The following RBMS1 variants were observed in gnomAD, a reference collection of about 807,000 sequenced individuals.
The protein encoded by RBMS1 is RNA-binding motif, single-stranded-interacting protein 1.
In RBMS1, 17 loss-of-function variants were observed where a neutral mutation model predicts 62.3. The ratio of observed to expected loss-of-function variants is 0.27; its 90% CI spans 0.19 to 0.41. RBMS1 has a LOEUF of 0.41. RBMS1 is among the 10% of genes least tolerant of loss of function. The pLI, the probability that RBMS1 is intolerant of heterozygous loss-of-function variation, is 1.00. For missense variants in RBMS1, 334 were observed against 504.5 expected (o/e 0.66, Z 3.24); for synonymous variants, 172 against 170.0 (o/e 1.01, Z -0.09).
At chr2:160,325,597 G>C (rs1001337058) in intron 2 of RBMS1, among the ~76,000 whole-genome samples, 1 of 152,172 alleles carries the variant, frequency 6.6e-6, no homozygotes, top group African/African-American at 2.4e-5. Context: ...CCAGACAAAG[G>C]GGATTTCCTA....
At chr2:160,291,214 G>A (rs1688662671) in intron 6 of RBMS1, among the ~76,000 whole-genome samples, 2 of 152,162 alleles carry the variant, frequency 1.3e-5, no homozygotes, top group Non-Finnish European at 2.9e-5. Context: ...CCTGTCAGAT[G>A]CTGACAGCAG....
At chr2:160,468,670 C>T (rs1684795528) in intron 1 of RBMS1, among the ~76,000 whole-genome samples, 1 of 152,120 alleles carries the variant, frequency 6.6e-6, no homozygotes, top group African/African-American at 2.4e-5. Flanking sequence ...ATATTATTAA[C>T]TTCTATTTGG....
intron 2 of RBMS1, chr2:160,367,015 G>A (rs1693435580): frequency 7.6e-6 from 3 of 396,980 alleles, no homozygotes; most frequent in Admixed American, 8.7e-5. Context: ...AATTCATTTT[G>A]ATATGTAGCC....
At chr2:160,403,136 T>C (rs920372581) in intron 1 of RBMS1, among the ~76,000 whole-genome samples, 1 of 152,202 alleles carries the variant, frequency 6.6e-6, no homozygotes, top group East Asian at 1.9e-4. Context: ...TTCAAATGGC[T>C]ATGTATGGGT....
At chr2:160,311,242 A>ATATATATATC (rs1553505475) in intron 4 of RBMS1, among the ~76,000 whole-genome samples, 4 of 123,658 alleles carry the variant, frequency 3.2e-5, no homozygotes, top group African/African-American at 1.1e-4. Context: ...CTATATATAT[A>ATATATATATC]TATATATATA....
intron 2 of RBMS1, among the ~76,000 whole-genome samples, chr2:160,342,769 C>CAAAA (rs550170417): frequency 8.5e-6 from 1 of 117,344 alleles, no homozygotes; most frequent in Non-Finnish European, 1.7e-5. Flanking sequence ...ATACAAAATA[C>CAAAA]AAAAAAAAAA....
intron 4 of RBMS1, among the ~76,000 whole-genome samples, chr2:160,308,818 C>T (rs568495534): frequency 2.6e-5 from 4 of 152,208 alleles, no homozygotes; most frequent in Admixed American, 1.3e-4. Flanking sequence ...ATTTGAAGAG[C>T]GCTGTAGACA....
intron 3 of RBMS1, among the ~76,000 whole-genome samples, chr2:160,315,210 T>C (rs1690144143): frequency 6.6e-6 from 1 of 152,218 alleles, no homozygotes; most frequent in Non-Finnish European, 1.5e-5. Flanking sequence ...TCCCAATGCC[T>C]ACCACACTAT....
intron 1 of RBMS1, among the ~76,000 whole-genome samples, chr2:160,398,687 A>AATG (rs570951961): frequency 6.4e-4 from 97 of 152,224 alleles, no homozygotes; most frequent in Admixed American, 1.4e-3. Context: ...TAATAATAAT[A>AATG]ATGATGATGA....
chr2:160,306,478 T>A (rs1689531690), intron 4 of RBMS1, among the ~76,000 whole-genome samples: 1 of 152,184 alleles, frequency 6.6e-6, no homozygotes, highest in East Asian at 1.9e-4. Flanking sequence ...ATGATGTGAA[T>A]GCATTTGTTT....
chr2:160,366,976 A>G (rs568345277), intron 2 of RBMS1: 24 of 331,746 alleles, frequency 7.2e-5, no homozygotes, highest in Non-Finnish European at 1.3e-4. Context: ...ATATGCCCAT[A>G]AAGTCAAATT....
At chr2:160,434,430 C>T (rs1210710408) in intron 1 of RBMS1, among the ~76,000 whole-genome samples, 2 of 152,036 alleles carry the variant, frequency 1.3e-5, no homozygotes, top group African/African-American at 4.8e-5. Context: ...CCTTTTCCCC[C>T]CACATTGCTC....
intron 1 of RBMS1, among the ~76,000 whole-genome samples, chr2:160,484,144 A>G (rs1685486823): frequency 6.6e-6 from 1 of 151,950 alleles, no homozygotes; most frequent in African/African-American, 2.4e-5. Context: ...CACCCTGGGT[A>G]AGATTCTTAA....
intron 10 of RBMS1, among the ~76,000 whole-genome samples, chr2:160,280,426 G>C (rs563119729): frequency 6.6e-6 from 1 of 152,194 alleles, no homozygotes; most frequent in Non-Finnish European, 1.5e-5. Flanking sequence ...TTCAGAACCT[G>C]TTATCCCTGG....
chr2:160,321,351 C>G (rs1416312956), intron 2 of RBMS1, among the ~76,000 whole-genome samples: 2 of 152,076 alleles, frequency 1.3e-5, no homozygotes. Context: ...TTCCTCTTCT[C>G]CCTCCTTAAC....
chr2:160,357,778 T>C (rs972614103), intron 2 of RBMS1, among the ~76,000 whole-genome samples: 1 of 152,176 alleles, frequency 6.6e-6, no homozygotes, highest in South Asian at 2.1e-4. Context: ...GTGTTAATTT[T>C]TGAAAACTGC....
intron 1 of RBMS1, among the ~76,000 whole-genome samples, chr2:160,449,561 C>T (rs1235112813): frequency 6.6e-6 from 1 of 152,136 alleles, no homozygotes; most frequent in African/African-American, 2.4e-5. Flanking sequence ...TGTGCTGTGT[C>T]CACTCAGGGT....
intron 1 of RBMS1, among the ~76,000 whole-genome samples, chr2:160,410,831 C>T (rs907600516): frequency 2.0e-5 from 3 of 152,200 alleles, no homozygotes; most frequent in Non-Finnish European, 4.4e-5. Context: ...GCAACCTCTG[C>T]CTCTCGGGTT....
chr2:160,353,666 G>GA (rs1384426870), intron 2 of RBMS1, among the ~76,000 whole-genome samples: 5 of 152,070 alleles, frequency 3.3e-5, no homozygotes, highest in African/African-American at 1.2e-4. Context: ...AAATCAAGAA[G>GA]AGTGGATATT....
Sources: gnomAD v4.1 joint callset for allele counts (sites outside exome capture counted in the v4.1 genomes callset) on GRCh38, gnomAD v4.1.1 for gene constraint, MANE v1.5 for transcripts, NCBI Gene and HGNC (gene_info 2026-07-23, HGNC 2026-07-21) for gene names.